The following FRMD3 variants were observed in gnomAD, a reference collection of about 807,000 sequenced individuals.
FRMD3 encodes the protein FERM domain containing 3, also known as FERM domain-containing protein 3.
In FRMD3, 33 loss-of-function variants were observed where a neutral mutation model predicts 70.2. The observed-to-expected ratio is 0.47, with a 90% CI of 0.36 to 0.63. FRMD3 has a LOEUF of 0.63. Among genes scored for constraint, FRMD3 ranks in the 20% least tolerant of loss-of-function variants. The probability of loss-of-function intolerance (pLI) is 0.00; values close to 1 mark genes in which losing one functional copy is unlikely to be tolerated. For synonymous variants in FRMD3, 279 were observed against 255.9 expected (o/e 1.09, Z -0.86); for missense variants, 632 against 711.4 (o/e 0.89, Z 1.27).
chr9:83,275,193 G>T (rs1833756438), intron 13 of FRMD3, among the ~76,000 whole-genome samples: 1 of 152,180 alleles, frequency 6.6e-6, no homozygotes, highest in Admixed American at 6.5e-5. Context: ...TCGGCATGGA[G>T]GTCAGGATCA....
intron 13 of FRMD3, chr9:83,267,213 T>G (rs752790926): frequency 4.9e-5 from 76 of 1,547,800 alleles, no homozygotes; most frequent in Non-Finnish European, 6.4e-5. Context: ...GTCCATTCTG[T>G]TTTAAAGGAC....
In FRMD3 at chr9:83,449,689, C is replaced by T. The variant is rs115406802; in HGVS notation, c.148-59981G>A. ...AGCTCAGCTTTGCCAGAGGTGAAAA[C>T]AGATGCAGAGGTATCTCAGCTCTAG... On this transcript the variant is annotated intron_variant, in intron 1 of 13. Transcript: ENST00000304195. 2.9e-3 allele frequency among the ~76,000 whole-genome samples: 442 copies of T among 152,316 alleles called. 1 individual carries two copies. The highest frequency in any genetic ancestry group is 0.01 in the African/African-American group (418 of 41,560).
At chr9:83,302,657 A>G (rs1392517260) in intron 10 of FRMD3, among the ~76,000 whole-genome samples, 1 of 152,078 alleles carries the variant, frequency 6.6e-6, no homozygotes, top group East Asian at 1.9e-4. Flanking sequence ...CCTTCTCACT[A>G]TGAAGCTACC....
chr9:83,524,530 G>A (rs1829645907), intron 1 of FRMD3, among the ~76,000 whole-genome samples: 1 of 152,130 alleles, frequency 6.6e-6, no homozygotes, highest in African/African-American at 2.4e-5. Flanking sequence ...TCTGTGTATG[G>A]CTTTTCTCTT....
chr9:83,567,305 G>T, the FRMD3 span, among the ~76,000 whole-genome samples: 1 of 152,150 alleles, frequency 6.6e-6, no homozygotes, highest in African/African-American at 2.4e-5. Context: ...AAGTCCCTAG[G>T]CTGGGACTCT....
chr9:83,302,959 C>G (rs1834981615), intron 10 of FRMD3, among the ~76,000 whole-genome samples: 2 of 152,142 alleles, frequency 1.3e-5, no homozygotes, highest in Admixed American at 1.3e-4. Flanking sequence ...TATGACTATG[C>G]CCAAACATCT....
At position 83,274,050 on chromosome 9, in the gene FRMD3, G is replaced by C. The variant is rs369981032; in HGVS notation, c.1195+16553C>G. Reference sequence around the variant, plus strand: ...TTCTCAGGCTGGTCTTGAACTCCTAGCCTCAGGGATCTTCCCACCTCAGCC... The same window carrying C: ...TTCTCAGGCTGGTCTTGAACTCCTACCCTCAGGGATCTTCCCACCTCAGCC... On this transcript the variant is annotated intron_variant, in intron 13 of 13. Transcript: ENST00000304195. Among the ~76,000 whole-genome samples, 55 of 152,220 alleles carry C rather than the reference G, an allele frequency of 3.6e-4. 1 individual carries two copies. In the South Asian group the frequency reaches 5.6e-3, roughly 15 times the overall value.
the FRMD3 span, among the ~76,000 whole-genome samples, chr9:83,572,623 G>A: frequency 5.3e-5 from 8 of 152,292 alleles, no homozygotes; most frequent in East Asian, 5.8e-4. Flanking sequence ...TGATTGCTAC[G>A]CAGCATTATG....
At chr9:83,306,206 C>T (rs987588926) in intron 10 of FRMD3, among the ~76,000 whole-genome samples, 3 of 152,142 alleles carry the variant, frequency 2.0e-5, no homozygotes, top group African/African-American at 7.2e-5. Context: ...AAGGCTGTGC[C>T]AAAGTCCTTC....
chr9:83,412,691 T>A (rs11140069), intron 1 of FRMD3, among the ~76,000 whole-genome samples: 12,939 of 152,238 alleles, frequency 0.085, 627 homozygotes, highest in South Asian at 0.2. Flanking sequence ...GCTTTAAAAA[T>A]TCTGCATCAA....
At chr9:83,384,248 A>G (rs1483606173) in intron 2 of FRMD3, among the ~76,000 whole-genome samples, 1 of 152,206 alleles carries the variant, frequency 6.6e-6, no homozygotes, top group African/African-American at 2.4e-5. Flanking sequence ...GCAGCAGCAC[A>G]ACCCTTTTCT....
the FRMD3 span, among the ~76,000 whole-genome samples, chr9:83,543,647 G>C: frequency 1.3e-5 from 2 of 152,298 alleles, no homozygotes; most frequent in Non-Finnish European, 2.9e-5. Flanking sequence ...GGACCCAGGA[G>C]AGCTGAGGGT....
upstream of FRMD3, among the ~76,000 whole-genome samples, chr9:83,539,416 C>G (rs1020293363): frequency 1.3e-5 from 2 of 152,290 alleles, no homozygotes; most frequent in Admixed American, 1.3e-4. Flanking sequence ...TGTCCAGGAG[C>G]TGGGAGAGAT....
intron 3 of FRMD3, among the ~76,000 whole-genome samples, chr9:83,355,277 A>G (rs1053051307): frequency 6.6e-6 from 1 of 152,200 alleles, no homozygotes; most frequent in African/African-American, 2.4e-5. Flanking sequence ...CAGTACAGGA[A>G]ATGTCTGATG....
chr9:83,368,859 A>G (rs1460772567), intron 3 of FRMD3, among the ~76,000 whole-genome samples: 1 of 151,952 alleles, frequency 6.6e-6, no homozygotes, highest in Non-Finnish European at 1.5e-5. Flanking sequence ...TTCTATTTCT[A>G]GGAATTTTTT....
At chr9:83,427,080 G>T (rs966425497) in intron 1 of FRMD3, among the ~76,000 whole-genome samples, 2 of 152,230 alleles carry the variant, frequency 1.3e-5, no homozygotes, top group Admixed American at 6.5e-5. Flanking sequence ...CTTGGGCAGG[G>T]TTTCTTAAAG....
At chr9:83,434,796 C>A (rs1564075675) in intron 1 of FRMD3, among the ~76,000 whole-genome samples, 1 of 145,632 alleles carries the variant, frequency 6.9e-6, no homozygotes, top group Non-Finnish European at 1.5e-5. Context: ...ACATCTGAAT[C>A]TCTCCCCTCC....
intron 7 of FRMD3, among the ~76,000 whole-genome samples, chr9:83,313,187 T>C (rs1050416134): frequency 1.3e-5 from 2 of 152,272 alleles, no homozygotes; most frequent in African/African-American, 4.8e-5. Context: ...GAGATTCTGA[T>C]ATAAGTAGTC....
chr9:83,502,452 G>T (rs1405734755), intron 1 of FRMD3, among the ~76,000 whole-genome samples: 20 of 152,204 alleles, frequency 1.3e-4, no homozygotes, highest in Admixed American at 1.3e-3. Context: ...GAAAAGAAAT[G>T]AGTTATTTGG....
Sources: allele counts gnomAD v4.1 joint callset (sites outside exome capture counted in the v4.1 genomes callset), GRCh38; gene constraint gnomAD v4.1.1; transcripts MANE v1.5; gene names NCBI Gene and HGNC (gene_info 2026-07-23, HGNC 2026-07-21).